The following CDKN2B-AS1 variants were observed in gnomAD, a reference collection of about 807,000 sequenced individuals.
The protein encoded by CDKN2B-AS1 is CDKN2B antisense RNA 1 (non-protein coding).
rs1223480844 is a variant in CDKN2B-AS1, at chr9:22,002,487, A to T, written n.29+7326A>T. On this transcript the variant is annotated intron_variant and non_coding_transcript_variant, in intron 1 of 4. Coordinates refer to ENST00000650946, the Ensembl canonical transcript of CDKN2B-AS1. The stretch of plus-strand genomic sequence containing the variant: ...ATAGAATCAGCAAAAAGAAAAAAAA[A>T]CCCTACTGACTATTACATATCAATG... Among the ~76,000 whole-genome samples, 3 of 151,676 alleles carry T rather than the reference A, an allele frequency of 2.0e-5. No individual in the cohort carries two copies. The East Asian group carries it at 5.8e-4, about 29-fold the overall frequency.
Position 22,053,875 on chromosome 9 carries a change from G to T in CDKN2B-AS1, n.303-2377G>T, listed in dbSNP as rs571348432. 5.9e-5 allele frequency among the ~76,000 whole-genome samples: 9 copies of T among 151,984 alleles called. 1 individual carries two copies. Among genetic ancestry groups the T allele is most frequent in the African/African-American group, 2.2e-4 (9 of 41,418 alleles). On this transcript the variant is annotated intron_variant and non_coding_transcript_variant, in intron 3 of 4. Transcript: ENST00000650946. The stretch of plus-strand genomic sequence containing the variant: ...TTACAGCCATCGAAGGAAAAAATAA[G>T]GATTTTTACTTAGGACATACGTAAC...
At chr9:22,105,999 C>T (rs1016581851) in intron 4 of CDKN2B-AS1, among the ~76,000 whole-genome samples, 2 of 152,238 alleles carry the variant, frequency 1.3e-5, no homozygotes, top group Non-Finnish European at 2.9e-5. Flanking sequence ...CAACCTCTGC[C>T]TCCCGGATAC....
chr9:22,036,438 G>T (rs149304926), intron 1 of CDKN2B-AS1, among the ~76,000 whole-genome samples: 1 of 151,998 alleles, frequency 6.6e-6, no homozygotes, highest in African/African-American at 2.4e-5. Context: ...AATTCTAGAG[G>T]TATAACAACA....
At chr9:22,101,501 A>G (rs1358234311) in intron 4 of CDKN2B-AS1, among the ~76,000 whole-genome samples, 9 of 152,188 alleles carry the variant, frequency 5.9e-5, no homozygotes, top group African/African-American at 2.2e-4. Flanking sequence ...TTGTTACCTG[A>G]CCTAAATATC....
rs1820589318 is a variant in CDKN2B-AS1 at position 21,995,178 on chromosome 9, C to T, written n.29+17C>T. 6.6e-6 allele frequency: 1 copy of T among 152,226 alleles called. No individual in the cohort carries two copies. The highest frequency in any genetic ancestry group is 1.5e-5 in the Non-Finnish European group (1 of 68,056). The allele number at this position is 152,226 out of a possible 1,614,324, so 9.4% of individuals were successfully genotyped here. Reference sequence around the variant, plus strand: ...CCGGACTAGGTAGGTGGAGTCGCACCCGGGGGTCCCAGCTGGGTCCGGGCG... The same window carrying T: ...CCGGACTAGGTAGGTGGAGTCGCACTCGGGGGTCCCAGCTGGGTCCGGGCG... On this transcript the variant is annotated intron_variant and non_coding_transcript_variant, in intron 1 of 4. Coordinates refer to ENST00000650946, the Ensembl canonical transcript of CDKN2B-AS1. This position sits in a 1 kb window ranked among gnomAD's most constrained non-coding sequence, Gnocchi z 5.7.
In CDKN2B-AS1 at chr9:22,084,677, T is replaced by A. The variant is rs1824808335; in HGVS notation, n.438+28290T>A. 2.6e-5 allele frequency among the ~76,000 whole-genome samples: 4 copies of A among 152,196 alleles called. No homozygotes were observed. The South Asian group carries it at 8.3e-4, about 32-fold the overall frequency. ...TTGGGTTGAAACTAAAATGGGTTCT[T>A]GGTAATCCCAGATTGAAAATATGTC... On this transcript the variant is annotated intron_variant and non_coding_transcript_variant, in intron 4 of 4. Transcript: ENST00000650946.
chr9:22,004,686 T>C (rs1372322186), intron 1 of CDKN2B-AS1: 3 of 232,760 alleles, frequency 1.3e-5, no homozygotes, highest in Non-Finnish European at 2.5e-5. Context: ...TCAGTGATAG[T>C]AGGACATCCC....
chr9:21,999,901 T>C lies in CDKN2B-AS1; in HGVS notation n.29+4740T>C, dbSNP rs373006932. ...TGATCCCATTCATGTTTTCCAAATA[T>C]GCATGCTGGGGGAGAGATGTTTGCA... On this transcript the variant is annotated intron_variant and non_coding_transcript_variant, in intron 1 of 4. Transcript: ENST00000650946. The surrounding 1 kb of genome is among the most constrained non-coding windows in gnomAD (Gnocchi z 4.7). Among the ~76,000 whole-genome samples, 76 of 152,278 alleles carry C rather than the reference T, an allele frequency of 5.0e-4. No homozygotes were observed. The highest frequency in any genetic ancestry group is 1.8e-3 in the African/African-American group (73 of 41,574).
At chr9:22,065,932 G>A (rs772406737) in intron 4 of CDKN2B-AS1, among the ~76,000 whole-genome samples, 2 of 152,128 alleles carry the variant, frequency 1.3e-5, no homozygotes, top group Non-Finnish European at 2.9e-5. Flanking sequence ...GCATAAATGT[G>A]ACCTTTTGGC....
At chr9:22,055,293 C>G (rs1288664099) in intron 3 of CDKN2B-AS1, among the ~76,000 whole-genome samples, 1 of 152,092 alleles carries the variant, frequency 6.6e-6, no homozygotes, top group East Asian at 1.9e-4. Context: ...ATGATCTACT[C>G]TCTTAGCAAT....
intron 1 of CDKN2B-AS1, chr9:22,012,540 G>C: frequency 1.7e-6 from 1 of 603,150 alleles, no homozygotes; most frequent in South Asian, 1.5e-5. Flanking sequence ...GTCAAATAAG[G>C]CTCTTCCTTC....
At chr9:22,059,277 C>A (rs1021484496) in intron 4 of CDKN2B-AS1, among the ~76,000 whole-genome samples, 1 of 152,156 alleles carries the variant, frequency 6.6e-6, no homozygotes, top group African/African-American at 2.4e-5. Flanking sequence ...CTAGTTACTT[C>A]CTAGATACAA....
intron 4 of CDKN2B-AS1, among the ~76,000 whole-genome samples, chr9:22,122,953 A>C (rs1826131511): frequency 6.6e-6 from 1 of 152,062 alleles, no homozygotes; most frequent in Non-Finnish European, 1.5e-5. Context: ...GTATTTTGAT[A>C]GGGATTGCAT....
intron 1 of CDKN2B-AS1, among the ~76,000 whole-genome samples, chr9:22,020,698 A>G (rs1383014528): frequency 2.0e-5 from 3 of 152,200 alleles, no homozygotes; most frequent in Non-Finnish European, 1.5e-5. Context: ...GTGTCTGTTC[A>G]TGTCCTTTGC....
chr9:22,103,212 A>G (rs936515131), intron 4 of CDKN2B-AS1, among the ~76,000 whole-genome samples: 1 of 148,652 alleles, frequency 6.7e-6, no homozygotes, highest in Non-Finnish European at 1.5e-5. Context: ...TGCCCAGAAA[A>G]CCATACCCAC....
At position 22,015,681 on chromosome 9, in the gene CDKN2B-AS1, A is replaced by G. The variant is rs1233901517; in HGVS notation, n.29+20520A>G. Among the ~76,000 whole-genome samples, 10 of 152,092 alleles carry G rather than the reference A, an allele frequency of 6.6e-5. No individual in the cohort carries two copies. In the South Asian group the frequency reaches 1.7e-3, roughly 25 times the overall value. The stretch of plus-strand genomic sequence containing the variant: ...ACTTTAAGTTTTAGGGTACATGTGC[A>G]CAATGTGCAGGTTAGTTACATATGT... On this transcript the variant is annotated intron_variant and non_coding_transcript_variant, in intron 1 of 4. Coordinates refer to ENST00000650946, the Ensembl canonical transcript of CDKN2B-AS1.
At chr9:22,023,183 G>T (rs1822082942) in intron 1 of CDKN2B-AS1, among the ~76,000 whole-genome samples, 1 of 152,164 alleles carries the variant, frequency 6.6e-6, no homozygotes, top group South Asian at 2.1e-4. Flanking sequence ...GGCTAGGATG[G>T]GGAAGTTCTC....
At chr9:22,018,866 A>AAC (rs1282983050) in intron 1 of CDKN2B-AS1, among the ~76,000 whole-genome samples, 5 of 152,226 alleles carry the variant, frequency 3.3e-5, no homozygotes, top group Admixed American at 6.5e-5. Context: ...TTCTAGGTAC[A>AAC]GGTGATAAAC....
At chr9:22,024,484 G>C (rs1457180023) in intron 1 of CDKN2B-AS1, among the ~76,000 whole-genome samples, 1 of 152,196 alleles carries the variant, frequency 6.6e-6, no homozygotes, top group Non-Finnish European at 1.5e-5. Flanking sequence ...GGTTTGGTGA[G>C]AGGCACTGAC....
Sources: gnomAD v4.1 joint callset for allele counts (sites outside exome capture counted in the v4.1 genomes callset) on GRCh38, gnomAD v4.1.1 for gene constraint, Gnocchi (gnomAD v3.1) non-coding constraint, MANE v1.5 for transcripts, NCBI Gene and HGNC (gene_info 2026-07-23, HGNC 2026-07-21) for gene names.